Variants in ATP11B observed in about 807,000 individuals in gnomAD.
The protein encoded by ATP11B is phospholipid-transporting ATPase IF.
ATP11B carries 81 observed loss-of-function variants against 157.8 expected under a neutral mutation model. That is an observed-to-expected ratio of 0.51 (90% confidence interval 0.43 to 0.62). The LOEUF (loss-of-function observed/expected upper bound fraction) is 0.62. ATP11B is among the 20% of genes least tolerant of loss of function. The probability of loss-of-function intolerance (pLI) is 0.00; values close to 1 mark genes in which losing one functional copy is unlikely to be tolerated. For synonymous variants in ATP11B, 451 were observed against 469.4 expected (o/e 0.96, Z 0.51); for missense variants, 1,165 against 1,402.2 (o/e 0.83, Z 2.70).
intron 8 of ATP11B, chr3:182,843,575 G>A (rs1719223956): frequency 6.6e-6 from 1 of 152,088 alleles, no homozygotes; most frequent in Non-Finnish European, 1.5e-5. Context: ...GTTTCAGATT[G>A]TTTTCCCTCA....
chr3:182,836,292 C>T (rs748006817), intron 5 of ATP11B, 50 bp from the exon 6 acceptor site: 1 of 1,608,750 alleles, frequency 6.2e-7, no homozygotes, highest in Admixed American at 1.7e-5. Flanking sequence ...AAAAGTAAGT[C>T]CTTGCCTTTT....
At chr3:182,864,432 TC>T (rs993618874) in intron 12 of ATP11B, among the ~76,000 whole-genome samples, 4 of 152,126 alleles carry the variant, frequency 2.6e-5, no homozygotes, top group Non-Finnish European at 4.4e-5. Context: ...TCCTTTTTAT[TC>T]CAGTTTGTTG....
intron 8 of ATP11B, 84 bp from the exon 9 acceptor site, chr3:182,845,374 G>A: frequency 8.5e-7 from 1 of 1,182,918 alleles, no homozygotes; most frequent in African/African-American, 1.6e-5. Flanking sequence ...TATAGCTTAA[G>A]TACCTTCTGC....
chr3:182,803,567 G>A (rs1229391513), intron 1 of ATP11B, among the ~76,000 whole-genome samples: 2 of 151,966 alleles, frequency 1.3e-5, no homozygotes, highest in African/African-American at 4.8e-5. Flanking sequence ...CAATTCCTTT[G>A]TTATACTAGG....
At chr3:182,818,726 C>T (rs1396775074) in intron 1 of ATP11B, among the ~76,000 whole-genome samples, 1 of 152,144 alleles carries the variant, frequency 6.6e-6, no homozygotes, top group Non-Finnish European at 1.5e-5. Flanking sequence ...CTGTGTATGT[C>T]TGTGCTTAAT....
At chr3:182,914,876 T>C (rs1725038819) in intron 29 of ATP11B, 2 of 985,376 alleles carry the variant, frequency 2.0e-6, no homozygotes, top group Middle Eastern at 5.2e-4. Flanking sequence ...TGATACCATA[T>C]TCTCAAAATC....
intron 1 of ATP11B, among the ~76,000 whole-genome samples, chr3:182,799,934 A>G (rs1294911196): frequency 6.6e-6 from 1 of 152,118 alleles, no homozygotes; most frequent in African/African-American, 2.4e-5. Flanking sequence ...CAACATAGTG[A>G]GACCCTGTGT....
At chr3:182,881,030 GTAT>G (rs1325583766) in intron 21 of ATP11B, 49 bp downstream of exon 21, 1 of 1,357,180 alleles carries the variant, frequency 7.4e-7, no homozygotes, top group Non-Finnish European at 1.0e-6. Context: ...AAAGTTGGTG[GTAT>G]TATTTGGTGG....
intron 9 of ATP11B, among the ~76,000 whole-genome samples, chr3:182,845,753 C>T (rs1352700948): frequency 7.2e-5 from 11 of 152,104 alleles, no homozygotes; most frequent in Admixed American, 5.2e-4. Flanking sequence ...GTTATCTTTA[C>T]GGATACTTGT....
intron 4 of ATP11B, among the ~76,000 whole-genome samples, chr3:182,831,571 C>G (rs1718142946): frequency 1.0e-5 from 1 of 97,476 alleles, no homozygotes; most frequent in Admixed American, 1.1e-4. Context: ...TCTTCATTTC[C>G]TACCATTTTT....
chr3:182,889,355 G>T, intron 24 of ATP11B, 55 bp from the exon 25 acceptor site: 6 of 1,250,324 alleles, frequency 4.8e-6, no homozygotes, highest in South Asian at 1.4e-5. Flanking sequence ...TAATTGTTTA[G>T]TGGGCAAATA....
chr3:182,811,878 G>A (rs552745667), intron 1 of ATP11B, among the ~76,000 whole-genome samples: 1 of 152,296 alleles, frequency 6.6e-6, no homozygotes, highest in African/African-American at 2.4e-5. Flanking sequence ...CAACTAGATT[G>A]TGGTGAGACT....
intron 7 of ATP11B, among the ~76,000 whole-genome samples, chr3:182,839,604 A>ATTTGTTTTATTTTAT (rs151096944): frequency 6.7e-6 from 1 of 149,010 alleles, no homozygotes; most frequent in Non-Finnish European, 1.5e-5. Context: ...TTTTTTAAAT[A>ATTTGTTTTATTTTAT]TTTATTTTAT....
At chr3:182,825,833 G>T (rs564535900) in intron 2 of ATP11B, among the ~76,000 whole-genome samples, 2 of 152,236 alleles carry the variant, frequency 1.3e-5, no homozygotes, top group East Asian at 3.9e-4. Context: ...TCAGGAGGCG[G>T]AGGTTGCAGT....
At position 182,862,818 on chromosome 3, in the gene ATP11B, GT is replaced by G. The variant is rs61125208; in HGVS notation, c.1201-2627del. 2.1e-3 allele frequency among the ~76,000 whole-genome samples: 297 copies of G among 142,694 alleles called. 1 individual carries two copies. The highest frequency in any genetic ancestry group is 3.2e-3 in the Admixed American group (45 of 14,268). The allele number at this position is 142,694 out of a possible 152,430, so 93.6% of individuals were successfully genotyped here. A position where few individuals can be genotyped will look rare whatever the true frequency, so the allele number is the denominator to read the frequency against. On this transcript the variant is annotated intron_variant, in intron 12 of 29. Coordinates refer to ENST00000323116, the MANE Select transcript of ATP11B (RefSeq NM_014616.3). Reference sequence around the variant, plus strand: ...TTACCATTATTTTTGTTCTTTTTCTGTTTTTTTTTTTATCCTCATGGTGAAG... The same window carrying G: ...TTACCATTATTTTTGTTCTTTTTCTGTTTTTTTTTTATCCTCATGGTGAAG...
intron 22 of ATP11B, among the ~76,000 whole-genome samples, chr3:182,885,303 T>C (rs965139664): frequency 4.6e-5 from 7 of 152,276 alleles, no homozygotes; most frequent in South Asian, 2.1e-4. Flanking sequence ...ACAAATTATG[T>C]TGAAATATTG....
intron 24 of ATP11B, among the ~76,000 whole-genome samples, chr3:182,889,155 C>G (rs892300327): frequency 2.6e-5 from 4 of 152,168 alleles, no homozygotes; most frequent in African/African-American, 9.7e-5. Context: ...GCCATCGCAC[C>G]CAGTCTTCCT....
chr3:182,901,123 A>AGAT (rs1723928556), intron 28 of ATP11B, among the ~76,000 whole-genome samples: 2 of 152,074 alleles, frequency 1.3e-5, no homozygotes, highest in Admixed American at 1.3e-4. Flanking sequence ...CAGTGAGCTG[A>AGAT]GATGGCGCCA....
chr3:182,895,854 G>T (rs1420034280), intron 25 of ATP11B, among the ~76,000 whole-genome samples: 1 of 152,108 alleles, frequency 6.6e-6, no homozygotes, highest in Non-Finnish European at 1.5e-5. Flanking sequence ...CTGGCAGGAT[G>T]TCTTCGTGGT....
Sources: allele counts gnomAD v4.1 joint callset (sites outside exome capture counted in the v4.1 genomes callset), GRCh38; gene constraint gnomAD v4.1.1; transcripts MANE v1.5; gene names NCBI Gene and HGNC (gene_info 2026-07-23, HGNC 2026-07-21).